PSD3: variants seen among roughly 807,000 people sequenced by gnomAD.
PSD3 encodes pleckstrin and Sec7 domain containing 3.
Under a neutral mutation model 105.5 loss-of-function variants are expected in PSD3, and 49 were observed. The observed-to-expected ratio is 0.46, with a 90% CI of 0.37 to 0.59. PSD3 has a LOEUF of 0.59. Among genes scored for constraint, PSD3 ranks in the 20% least tolerant of loss-of-function variants. The pLI, the probability that PSD3 is intolerant of heterozygous loss-of-function variation, is 0.00. For synonymous variants in PSD3, 557 were observed against 457.8 expected (o/e 1.22, Z -2.77); for missense variants, 1,561 against 1,263.8 (o/e 1.24, Z -3.57).
intron 1 of PSD3, among the ~76,000 whole-genome samples, chr8:18,978,739 A>G (rs1825089815): frequency 6.6e-6 from 1 of 152,148 alleles, no homozygotes; most frequent in African/African-American, 2.4e-5. Context: ...CTTTATTGGT[A>G]CCACTTCTGA....
At chr8:18,775,175 TACCA>T (rs939859614) in intron 8 of PSD3, among the ~76,000 whole-genome samples, 5 of 152,182 alleles carry the variant, frequency 3.3e-5, no homozygotes, top group African/African-American at 1.2e-4. Flanking sequence ...TCCACATTGC[TACCA>T]ATAACATAAT....
intron 8 of PSD3, among the ~76,000 whole-genome samples, chr8:18,790,664 C>A (rs1331754398): frequency 6.6e-6 from 1 of 151,954 alleles, no homozygotes; most frequent in East Asian, 1.9e-4. Flanking sequence ...TTCTCTATAT[C>A]CTTATTGTGG....
In PSD3 at chr8:18,928,003, C is replaced by T. The variant is rs556336241; in HGVS notation, c.130+8031G>A. Reference sequence around the variant, plus strand: ...CGGCAATTCTACTTCTAGCTGTATACCCAAAAGAAATGAAAACCTACATCC... The same window carrying T: ...CGGCAATTCTACTTCTAGCTGTATATCCAAAAGAAATGAAAACCTACATCC... On this transcript the variant is annotated intron_variant, in intron 2 of 15. Transcript: ENST00000327040. 2.0e-4 allele frequency among the ~76,000 whole-genome samples: 31 copies of T among 152,192 alleles called. No individual in the cohort carries two copies. The South Asian group carries it at 2.7e-3, about 13-fold the overall frequency.
intron 12 of PSD3, among the ~76,000 whole-genome samples, chr8:18,593,770 T>G (rs1803792685): frequency 6.6e-6 from 1 of 151,882 alleles, no homozygotes; most frequent in African/African-American, 2.4e-5. Flanking sequence ...GTGGCACATA[T>G]ACACCATGGA....
chr8:19,029,619 G>T (rs1368904179), intron 1 of PSD3, among the ~76,000 whole-genome samples: 1 of 152,122 alleles, frequency 6.6e-6, no homozygotes, highest in African/African-American at 2.4e-5. Flanking sequence ...CAAGAGAACA[G>T]CATGAGGGTG....
intron 10 of PSD3, among the ~76,000 whole-genome samples, chr8:18,636,194 T>G (rs1218839705): frequency 6.6e-6 from 1 of 152,114 alleles, no homozygotes; most frequent in Non-Finnish European, 1.5e-5. Context: ...TAAGCCAGCG[T>G]GTGTATTTGT....
intron 1 of PSD3, among the ~76,000 whole-genome samples, chr8:18,949,278 T>TATATAG (rs1491118592): frequency 9.2e-6 from 1 of 108,144 alleles, no homozygotes; most frequent in Non-Finnish European, 2.1e-5. Context: ...TATATATATA[T>TATATAG]TTATAGTTTT....
chr8:18,776,664 C>T (rs747948409), intron 8 of PSD3, among the ~76,000 whole-genome samples: 23 of 152,162 alleles, frequency 1.5e-4, no homozygotes, highest in Non-Finnish European at 3.4e-4. Flanking sequence ...GTGTGAGTCA[C>T]CGCATCTGGC....
chr8:18,961,974 A>G (rs763121854), intron 1 of PSD3, among the ~76,000 whole-genome samples: 3 of 152,028 alleles, frequency 2.0e-5, no homozygotes, highest in Non-Finnish European at 4.4e-5. Context: ...CAAAAATTTT[A>G]TATTTAAAAA....
chr8:18,958,573 G>T (rs539510531), intron 1 of PSD3, among the ~76,000 whole-genome samples: 1 of 152,156 alleles, frequency 6.6e-6, no homozygotes, highest in Non-Finnish European at 1.5e-5. Flanking sequence ...TATTAGCAAA[G>T]TTAATTCAAC....
chr8:18,833,042 A>T (rs1190526434), intron 4 of PSD3, among the ~76,000 whole-genome samples: 1 of 152,216 alleles, frequency 6.6e-6, no homozygotes, highest in Non-Finnish European at 1.5e-5. Flanking sequence ...GATGATTTTT[A>T]AAAAGCAACT....
rs1190338922 is a variant in PSD3 at position 18,628,736 on chromosome 8, G to A, written c.2410+3877C>T. On this transcript the variant is annotated intron_variant, in intron 11 of 15. Coordinates refer to ENST00000327040, the MANE Select transcript of PSD3 (RefSeq NM_015310.4). Reference sequence around the variant, plus strand: ...AGGGTCTCAAACCATAAATGAAGCAGTACAATTTGAAGGTGAACTGTGACA... The same window carrying A: ...AGGGTCTCAAACCATAAATGAAGCAATACAATTTGAAGGTGAACTGTGACA... 9.9e-5 allele frequency among the ~76,000 whole-genome samples: 15 copies of A among 151,926 alleles called. 1 individual carries two copies. The highest frequency in any genetic ancestry group is 9.9e-4 in the Admixed American group (15 of 15,218).
chr8:18,749,044 C>T (rs538113899), intron 9 of PSD3, among the ~76,000 whole-genome samples: 27 of 152,346 alleles, frequency 1.8e-4, no homozygotes, highest in African/African-American at 6.5e-4. Context: ...AACAATCACA[C>T]CACACAACTG....
intron 1 of PSD3, among the ~76,000 whole-genome samples, chr8:18,982,182 T>C (rs1474390227): frequency 6.6e-6 from 1 of 152,232 alleles, no homozygotes; most frequent in South Asian, 2.1e-4. Flanking sequence ...ACTTTGTTTG[T>C]TCATTCATAA....
chr8:18,811,867 C>A (rs1359501495), intron 4 of PSD3, among the ~76,000 whole-genome samples: 1 of 152,070 alleles, frequency 6.6e-6, no homozygotes, highest in African/African-American at 2.4e-5. Context: ...TATGACACTC[C>A]AAGGCCAAAG....
chr8:18,796,309 T>C (rs1294538151), intron 8 of PSD3, among the ~76,000 whole-genome samples: 3 of 152,146 alleles, frequency 2.0e-5, no homozygotes, highest in Non-Finnish European at 2.9e-5. Flanking sequence ...ATGTCTTCAG[T>C]GAAACCTGAC....
chr8:19,057,475 A>T (rs1398164496), intron 1 of PSD3, among the ~76,000 whole-genome samples: 1 of 152,204 alleles, frequency 6.6e-6, no homozygotes, highest in East Asian at 1.9e-4. Flanking sequence ...TCTTTGCAAG[A>T]TCCAGGACTT....
At chr8:18,799,822 A>T (rs1456168422) in intron 7 of PSD3, among the ~76,000 whole-genome samples, 1 of 152,176 alleles carries the variant, frequency 6.6e-6, no homozygotes, top group Non-Finnish European at 1.5e-5. Flanking sequence ...CAAACACTAC[A>T]ATTAGTTGTT....
At chr8:18,818,365 T>C (rs1161036403) in intron 4 of PSD3, among the ~76,000 whole-genome samples, 1 of 152,006 alleles carries the variant, frequency 6.6e-6, no homozygotes, top group Non-Finnish European at 1.5e-5. Flanking sequence ...TTTTTTTTTT[T>C]AGGGAGCTAT....
Sources: gnomAD v4.1 joint callset for allele counts (sites outside exome capture counted in the v4.1 genomes callset) on GRCh38, gnomAD v4.1.1 for gene constraint, MANE v1.5 for transcripts, NCBI Gene and HGNC (gene_info 2026-07-23, HGNC 2026-07-21) for gene names.